The following JAZF1 variants were observed in gnomAD, a reference collection of about 807,000 sequenced individuals.
JAZF1 encodes the protein JAZF zinc finger 1.
In JAZF1, 8 loss-of-function variants were observed where a neutral mutation model predicts 26.4. The observed-to-expected ratio is 0.30, with a 90% confidence interval of 0.18 to 0.55. The LOEUF (loss-of-function observed/expected upper bound fraction) is 0.55, where lower values mean the gene tolerates loss of function less well. Among genes scored for constraint, JAZF1 ranks in the 20% least tolerant of loss-of-function variants. The probability of loss-of-function intolerance (pLI) is 0.94; values close to 1 mark genes in which losing one functional copy is unlikely to be tolerated. For missense variants in JAZF1, 199 were observed against 322.0 expected (o/e 0.62, Z 2.92); for synonymous variants, 126 against 122.3 (o/e 1.03, Z -0.20).
intron 1 of JAZF1, among the ~76,000 whole-genome samples, chr7:28,079,636 T>C (rs939524105): frequency 1.3e-5 from 2 of 152,186 alleles, no homozygotes; most frequent in Admixed American, 1.3e-4. Flanking sequence ...AGCAAATCAA[T>C]ACATGCTTGC....
chr7:27,989,337 T>C (rs1349056568), intron 2 of JAZF1, among the ~76,000 whole-genome samples: 2 of 152,118 alleles, frequency 1.3e-5, no homozygotes, highest in Admixed American at 1.3e-4. Flanking sequence ...ATAAAAACCC[T>C]AGAAAGAAAC....
intron 1 of JAZF1, among the ~76,000 whole-genome samples, chr7:28,173,159 G>A (rs989221835): frequency 6.6e-6 from 1 of 152,180 alleles, no homozygotes; most frequent in African/African-American, 2.4e-5. Flanking sequence ...CAAGTCAGGG[G>A]CCCTGGGGCT....
chr7:28,127,056 G>C (rs1468857956), intron 1 of JAZF1, among the ~76,000 whole-genome samples: 2 of 152,204 alleles, frequency 1.3e-5, no homozygotes, highest in Non-Finnish European at 2.9e-5. Context: ...GGATATCCCA[G>C]GCAGTGGTCA....
intron 1 of JAZF1, among the ~76,000 whole-genome samples, chr7:28,016,740 A>G (rs878985623): frequency 2.0e-5 from 3 of 152,158 alleles, no homozygotes; most frequent in Non-Finnish European, 4.4e-5. Flanking sequence ...CCCTCCCTAA[A>G]GAGCCTGTTG....
chr7:28,170,335 A>G (rs867462976), intron 1 of JAZF1, among the ~76,000 whole-genome samples: 2 of 140,080 alleles, frequency 1.4e-5, no homozygotes, highest in African/African-American at 5.4e-5. Context: ...AGAGAAGTTG[A>G]TATGTGTGTG....
chr7:28,040,001 T>C (rs912506737), intron 1 of JAZF1, among the ~76,000 whole-genome samples: 27 of 152,192 alleles, frequency 1.8e-4, no homozygotes, highest in Admixed American at 3.9e-4. Context: ...AAATGGCAGG[T>C]CTGATGTTAT....
chr7:28,075,120 G>A (rs1339926216), intron 1 of JAZF1, among the ~76,000 whole-genome samples: 1 of 152,162 alleles, frequency 6.6e-6, no homozygotes, highest in African/African-American at 2.4e-5. Context: ...TACACTCACT[G>A]CAAATTTATG....
At chr7:27,927,911 C>T (rs1784625758) in intron 2 of JAZF1, among the ~76,000 whole-genome samples, 1 of 152,104 alleles carries the variant, frequency 6.6e-6, no homozygotes, top group South Asian at 2.1e-4. Context: ...ATGATGAAAA[C>T]GTCTCATTTT....
chr7:28,113,288 T>C (rs534805647), intron 1 of JAZF1, among the ~76,000 whole-genome samples: 1 of 152,090 alleles, frequency 6.6e-6, no homozygotes, highest in Non-Finnish European at 1.5e-5. Context: ...GGAGGCAGAG[T>C]GAATCCTCAT....
intron 1 of JAZF1, among the ~76,000 whole-genome samples, chr7:28,034,594 G>A (rs1020650787): frequency 2.0e-5 from 3 of 151,778 alleles, no homozygotes; most frequent in Non-Finnish European, 2.9e-5. Context: ...CATTCCAAAA[G>A]CATTTACAAA....
chr7:28,142,599 A>G (rs1353761972), intron 1 of JAZF1, among the ~76,000 whole-genome samples: 1 of 152,164 alleles, frequency 6.6e-6, no homozygotes, highest in East Asian at 1.9e-4. Context: ...AGCTCCCAGC[A>G]CAAAGGACGC....
At chr7:27,861,599 T>G (rs561201098) in intron 3 of JAZF1, among the ~76,000 whole-genome samples, 2 of 65,114 alleles carry the variant, frequency 3.1e-5, no homozygotes, top group East Asian at 3.7e-4. Context: ...AGGAGAAGGT[T>G]GTTGTTTTTA....
chr7:28,086,308 T>C (rs902514332), intron 1 of JAZF1, among the ~76,000 whole-genome samples: 2 of 152,240 alleles, frequency 1.3e-5, no homozygotes, highest in African/African-American at 4.8e-5. Flanking sequence ...TGGGTACTCA[T>C]AAAAGTTTTT....
At chr7:28,024,442 G>A (rs34793757) in intron 1 of JAZF1, among the ~76,000 whole-genome samples, 26,214 of 152,114 alleles carry the variant, frequency 0.17, 2,509 homozygotes, top group South Asian at 0.25. Context: ...GGAGGATTTT[G>A]GTGAGCTAGA....
intron 1 of JAZF1, among the ~76,000 whole-genome samples, chr7:28,068,007 G>A (rs1486538753): frequency 1.3e-5 from 2 of 152,038 alleles, no homozygotes; most frequent in African/African-American, 2.4e-5. Flanking sequence ...TCCACCTCCC[G>A]GGTTCAAGTG....
At chr7:28,011,811 T>C (rs1782805059) in intron 1 of JAZF1, among the ~76,000 whole-genome samples, 1 of 152,178 alleles carries the variant, frequency 6.6e-6, no homozygotes, top group African/African-American at 2.4e-5. Context: ...CAACGCCCTT[T>C]TATAATATTC....
At chr7:28,001,313 C>G (rs975983661) in intron 1 of JAZF1, among the ~76,000 whole-genome samples, 4 of 152,022 alleles carry the variant, frequency 2.6e-5, no homozygotes, top group African/African-American at 9.7e-5. Flanking sequence ...GAACGTGCCA[C>G]TGCACTCCAG....
chr7:28,108,619 G>A (rs1457389994), intron 1 of JAZF1, among the ~76,000 whole-genome samples: 1 of 152,142 alleles, frequency 6.6e-6, no homozygotes, highest in East Asian at 1.9e-4. Flanking sequence ...AACTGGTATA[G>A]CCACTATGGA....
At chr7:27,970,168 C>T (rs1785351240) in intron 2 of JAZF1, among the ~76,000 whole-genome samples, 1 of 152,138 alleles carries the variant, frequency 6.6e-6, no homozygotes, top group Admixed American at 6.6e-5. Context: ...TTCATTACTG[C>T]TTCTGCTATG....
Sources: allele counts gnomAD v4.1 joint callset (sites outside exome capture counted in the v4.1 genomes callset), GRCh38; gene constraint gnomAD v4.1.1; transcripts MANE v1.5; gene names NCBI Gene and HGNC (gene_info 2026-07-23, HGNC 2026-07-21).